Variants in ITCH observed in about 807,000 individuals in gnomAD.
The protein encoded by ITCH is itchy E3 ubiquitin protein ligase, also known as E3 ubiquitin-protein ligase Itchy homolog.
ITCH carries 28 observed loss-of-function variants against 126.8 expected under a neutral mutation model. That is an observed-to-expected ratio of 0.22 (90% CI 0.16 to 0.30). The LOEUF (loss-of-function observed/expected upper bound fraction) is 0.30. Among genes scored for constraint, ITCH ranks in the 10% least tolerant of loss-of-function variants. ITCH has a pLI of 1.00. For missense variants in ITCH, 631 were observed against 1,032.4 expected (o/e 0.61, Z 5.33); for synonymous variants, 342 against 340.0 (o/e 1.01, Z -0.06).
intron 13 of ITCH, among the ~76,000 whole-genome samples, chr20:34,461,596 T>A (rs933227968): frequency 1.3e-5 from 2 of 151,212 alleles, no homozygotes; most frequent in Non-Finnish European, 2.9e-5. Context: ...GCGCCTGTAG[T>A]CCCAGCTGAG....
At chr20:34,464,404 A>G (rs1439033361) in intron 14 of ITCH, among the ~76,000 whole-genome samples, 1 of 143,660 alleles carries the variant, frequency 7.0e-6, no homozygotes, top group Non-Finnish European at 1.5e-5. Context: ...TCGGCTCACC[A>G]CAACTTCTGC....
chr20:34,487,744 G>A (rs929235642), intron 20 of ITCH, among the ~76,000 whole-genome samples: 7 of 152,038 alleles, frequency 4.6e-5, no homozygotes, highest in Admixed American at 4.6e-4. Context: ...TTCGAGACCA[G>A]CCTGGCCAAC....
chr20:34,413,927 A>G lies in ITCH; in HGVS notation c.475+48A>G, dbSNP rs11904899. On this transcript the variant is annotated intron_variant, in intron 6 of 24. Coordinates refer to ENST00000374864, the MANE Select transcript of ITCH (RefSeq NM_031483.7). ...TCTTTAATGATTCTTCTTAAATAAA[A>G]TAGCCATTGTAGTATGCTGTATGTA... The G allele has an allele frequency of 4.4e-5, 65 of 1,472,970 alleles. No individual in the cohort carries two copies. The African/African-American group carries it at 8.6e-4, about 19-fold the overall frequency. The allele number at this position is 1,472,970 out of a possible 1,614,324, so 91.2% of individuals were successfully genotyped here.
chr20:34,397,893 T>C (rs370434859), intron 3 of ITCH, among the ~76,000 whole-genome samples: 2 of 152,298 alleles, frequency 1.3e-5, no homozygotes, highest in African/African-American at 4.8e-5. Flanking sequence ...ATACATTTTA[T>C]TTTTTACTGA....
intron 7 of ITCH, among the ~76,000 whole-genome samples, chr20:34,435,488 G>A (rs1304432157): frequency 6.6e-6 from 1 of 152,058 alleles, no homozygotes; most frequent in Non-Finnish European, 1.5e-5. Flanking sequence ...TTTTTAATAA[G>A]AGGGGAGAAA....
chr20:34,442,256 T>C lies in ITCH; in HGVS notation c.918T>C (p.His306=), dbSNP rs770753715. The stretch of plus-strand genomic sequence containing the variant: ...ACGGGCGAGTTTACTATGTAGATCA[T>C]GTTGAGAAAAGAACAACATGGGATA... The part of the protein sequence containing the change: ...DQHGRVYYVD[H]VEKRTTWDRP... Residue 306 remains histidine (H), a synonymous_variant, in exon 10 of 25, where the codon CAT becomes CAC. Coordinates refer to ENST00000374864, the MANE Select transcript of ITCH (RefSeq NM_031483.7). 1 of 1,614,076 alleles carries C rather than the reference T, an allele frequency of 6.2e-7. No homozygotes were observed.
rs1174577761 is a variant in ITCH, at chr20:34,492,554, T to A, written c.2373T>A (p.Thr791=). 1 of 1,613,520 alleles carries A rather than the reference T, an allele frequency of 6.2e-7. No homozygotes were observed. Among genetic ancestry groups the A allele is most frequent in the Admixed American group, 1.7e-5 (1 of 60,020 alleles). Residue 791 remains threonine, a synonymous_variant, in exon 23 of 25, where the codon ACT becomes ACA. Transcript: ENST00000374864. The stretch of plus-strand genomic sequence containing the variant: ...GAATGAGACTTCTGCAGTTTGTTAC[T>A]GGAACCTGCCGATTGCCAGTAGGAG... The part of the protein sequence containing the change: ...EKRMRLLQFV[T]GTCRLPVGGF...
chr20:34,480,931 CA>C, intron 19 of ITCH, 134 bp from the exon 20 acceptor site: 1 of 1,087,508 alleles, frequency 9.2e-7, no homozygotes, highest in Non-Finnish European at 1.3e-6. Context: ...GACCTTAGAA[CA>C]GAATCTTATT....
rs1419365488 is a variant in ITCH, at chr20:34,494,388, GT to G, written c.2416+1796del. 2.2e-4 allele frequency among the ~76,000 whole-genome samples: 33 copies of G among 152,292 alleles called. No individual in the cohort carries two copies. In the East Asian group the frequency reaches 6.2e-3, roughly 28 times the overall value. On this transcript the variant is annotated intron_variant, in intron 23 of 24. Coordinates refer to ENST00000374864, the MANE Select transcript of ITCH (RefSeq NM_031483.7). ...TCTCAGAAGGGTGATTTCTAGGAAA[GT>G]TTTTGTTAGGAGACAGAAACAGTGA...
chr20:34,371,488 T>C (rs1199013848), intron 2 of ITCH, among the ~76,000 whole-genome samples: 1 of 151,660 alleles, frequency 6.6e-6, no homozygotes, highest in Admixed American at 6.6e-5. Context: ...TTCACCACAT[T>C]GGCCAGGCTG....
chr20:34,412,426 T>G lies in ITCH; in HGVS notation c.213-89T>G. The G allele has an allele frequency of 3.9e-6, 4 of 1,033,950 alleles. No homozygotes were observed. The South Asian group carries it at 5.4e-5, about 14-fold the overall frequency. The allele number at this position is 1,033,950 out of a possible 1,614,324, so 64.0% of individuals were successfully genotyped here. ...TGTAAGGGGTGCAGTGAGAAGACTT[T>G]AGACTTTAAAACTGAATTGTAATTT... On this transcript the variant is annotated intron_variant, in intron 4 of 24. Transcript: ENST00000374864.
At chr20:34,397,171 C>T (rs375076219) in intron 3 of ITCH, among the ~76,000 whole-genome samples, 1 of 152,040 alleles carries the variant, frequency 6.6e-6, no homozygotes, top group Non-Finnish European at 1.5e-5. Flanking sequence ...TATAGGCGCC[C>T]GCCACCAAGC....
Position 34,492,503 on chromosome 20 carries a change from T to C in ITCH, c.2322T>C (p.Phe774=). ...TSKQIMWFWQ[F]VKEIDNEKRM... is the part of the protein sequence containing the mutation. ...CTCTTTAAATATACTTTTAACAGTTTGTTAAAGAAATTGATAATGAGAAGA... is the reference window on the plus strand; with the variant it reads ...CTCTTTAAATATACTTTTAACAGTTCGTTAAAGAAATTGATAATGAGAAGA... Residue 774 remains phenylalanine (F), a splice_region_variant and synonymous_variant, in exon 23 of 25, where the codon TTT becomes TTC. Coordinates refer to ENST00000374864, the MANE Select transcript of ITCH (RefSeq NM_031483.7). The C allele has an allele frequency of 6.4e-7, 1 of 1,573,534 alleles. No individual in the cohort carries two copies. Among genetic ancestry groups the C allele is most frequent in the Non-Finnish European group, 8.7e-7 (1 of 1,142,922 alleles).
At chr20:34,380,082 G>A (rs1468062151) in intron 2 of ITCH, among the ~76,000 whole-genome samples, 2 of 151,988 alleles carry the variant, frequency 1.3e-5, no homozygotes, top group African/African-American at 4.8e-5. Context: ...TTTTTTAATA[G>A]AGACAGGGTT....
rs969184790 is a variant in ITCH at position 34,477,690 on chromosome 20, C to T, written c.1570-82C>T. ...CATGGGAGATTTCAGTTACCTATAA[C>T]GAAGGAGATGTCAAACCTAGAAGTG... is the stretch of plus-strand genomic sequence containing the variant. On this transcript the variant is annotated intron_variant, in intron 16 of 24. Coordinates refer to ENST00000374864, the MANE Select transcript of ITCH (RefSeq NM_031483.7). 88 of 1,276,518 alleles carry T rather than the reference C, an allele frequency of 6.9e-5. No homozygotes were observed. In the Admixed American group the frequency reaches 7.5e-4, roughly 11 times the overall value. 79.1% of individuals were successfully genotyped at this position (1,276,518 alleles called of 1,614,324 possible). A position where few individuals can be genotyped will look rare whatever the true frequency, so the allele number is the denominator to read the frequency against.
intron 7 of ITCH, among the ~76,000 whole-genome samples, chr20:34,425,561 A>C (rs1409366841): frequency 6.6e-6 from 1 of 152,190 alleles, no homozygotes; most frequent in African/African-American, 2.4e-5. Context: ...CTGAGATAGG[A>C]GAAAACCGCC....
chr20:34,402,547 T>A, intron 3 of ITCH: 1 of 733,056 alleles, frequency 1.4e-6, no homozygotes, highest in Middle Eastern at 3.7e-4. Flanking sequence ...CTCTGCAGTA[T>A]CAAAAAGTCC....
chr20:34,376,656 T>C (rs2037857744), intron 2 of ITCH, among the ~76,000 whole-genome samples: 1 of 152,164 alleles, frequency 6.6e-6, no homozygotes, highest in Admixed American at 6.6e-5. Context: ...GTGAGCCTGG[T>C]AATAGGCAAA....
intron 23 of ITCH, among the ~76,000 whole-genome samples, chr20:34,495,380 C>T (rs1337898957): frequency 6.6e-6 from 1 of 150,908 alleles, no homozygotes; most frequent in African/African-American, 2.4e-5. Context: ...TGCTATAGAA[C>T]ACTAGAACTT....
Sources: allele counts gnomAD v4.1 joint callset (sites outside exome capture counted in the v4.1 genomes callset), GRCh38; gene constraint gnomAD v4.1.1; transcripts MANE v1.5; gene names NCBI Gene and HGNC (gene_info 2026-07-23, HGNC 2026-07-21).